Variants in CELF6 observed in about 807,000 individuals in gnomAD.
The protein encoded by CELF6 is Bruno -like 6, RNA binding protein.
Under a neutral mutation model 53.1 loss-of-function variants are expected in CELF6, and 32 were observed. The observed-to-expected ratio is 0.60, with a 90% CI of 0.46 to 0.81. The LOEUF (loss-of-function observed/expected upper bound fraction) is 0.81, where lower values mean the gene tolerates loss of function less well. Ranked by LOEUF, CELF6 falls within the 30% of genes least tolerant of loss-of-function variation. The probability of loss-of-function intolerance (pLI) is 0.00; values close to 1 mark genes in which losing one functional copy is unlikely to be tolerated. For missense variants in CELF6, 539 were observed against 669.5 expected, an observed-to-expected ratio of 0.81 and a Z score of 2.15; for synonymous variants, 291 against 288.8, an observed-to-expected ratio of 1.01 and a Z score of -0.08.
chr15:72,293,357 T>C (rs933233488), intron 3 of CELF6, among the ~76,000 whole-genome samples: 6 of 151,992 alleles, frequency 3.9e-5, no homozygotes, highest in African/African-American at 1.5e-4. Context: ...CTGAACATTC[T>C]GATGGCTGAT....
At chr15:72,311,433 C>G (rs189198396) in intron 2 of CELF6, among the ~76,000 whole-genome samples, 500 of 147,666 alleles carry the variant, frequency 3.4e-3, no homozygotes, top group Non-Finnish European at 5.8e-3. Flanking sequence ...GACAGAGTCT[C>G]GCTCTGTCAC....
chr15:72,312,224 G>T (rs1413444332), intron 2 of CELF6, among the ~76,000 whole-genome samples: 1 of 152,212 alleles, frequency 6.6e-6, no homozygotes, highest in African/African-American at 2.4e-5. Context: ...GACCAACCAA[G>T]GTTTGAAGGA....
chr15:72,299,390 C>A (rs1411712507), intron 3 of CELF6, among the ~76,000 whole-genome samples: 1 of 141,528 alleles, frequency 7.1e-6, no homozygotes, highest in Admixed American at 7.1e-5. Context: ...AATGGAATCT[C>A]GCTCTGTTGT....
At chr15:72,304,838 G>A in intron 2 of CELF6, 44 bp from the exon 3 acceptor site, 1 of 1,600,434 alleles carries the variant, frequency 6.2e-7, no homozygotes, top group South Asian at 1.1e-5. Context: ...GTGACTGCCT[G>A]GTCCTGGAGC....
Position 72,289,512 on chromosome 15 carries a change from G to T in CELF6, c.748-5C>A. On this transcript the variant is annotated splice_polypyrimidine_tract_variant and splice_region_variant and intron_variant, in intron 6 of 12. Coordinates refer to ENST00000287202, the MANE Select transcript of CELF6 (RefSeq NM_052840.5). This position sits in a 1 kb window ranked among gnomAD's most constrained non-coding sequence, Gnocchi z 7.6. ...GGCCGCCTGGTGCTGCAGGATCTTT[G>T]AGAGGAAAGATGGGCGAGAGTGGAG... The T allele has an allele frequency of 4.0e-6, 6 of 1,512,320 alleles. No individual in the cohort carries two copies. Among genetic ancestry groups the T allele is most frequent in the Non-Finnish European group, 5.3e-6 (6 of 1,134,988 alleles). 93.7% of individuals were successfully genotyped at this position (1,512,320 alleles called of 1,614,324 possible). A position where few individuals can be genotyped will look rare whatever the true frequency, so the allele number is the denominator to read the frequency against.
Position 72,319,439 on chromosome 15 carries a change from G to A in CELF6, c.262+174C>T, listed in dbSNP as rs2088399856. ...TAGGGGACCACAGTGATAATCAGAG[G>A]GAGGATGTCAGAGAGAAAATTCTGT... On this transcript the variant is annotated intron_variant, in intron 1 of 12. Coordinates refer to ENST00000287202, the MANE Select transcript of CELF6 (RefSeq NM_052840.5). This position sits in a 1 kb window ranked among gnomAD's most constrained non-coding sequence, Gnocchi z 5.0. Among the ~76,000 whole-genome samples, 1 of 152,082 alleles carries A rather than the reference G, an allele frequency of 6.6e-6. No homozygotes were observed. The highest frequency in any genetic ancestry group is 2.1e-4 in the South Asian group (1 of 4,822).
At chr15:72,313,380 T>G (rs1221178376) in intron 2 of CELF6, among the ~76,000 whole-genome samples, 2 of 152,228 alleles carry the variant, frequency 1.3e-5, no homozygotes, top group African/African-American at 4.8e-5. Flanking sequence ...GTGGATCACT[T>G]GAGGCCAGAA....
chr15:72,316,040 T>C (rs2088359925), intron 1 of CELF6, 113 bp from the exon 2 acceptor site: 1 of 674,512 alleles, frequency 1.5e-6, no homozygotes, highest in South Asian at 1.9e-5. Flanking sequence ...GCAAGGACTC[T>C]GCTTTCTGAG....
Position 72,289,395 on chromosome 15 carries a change from G to T in CELF6, c.860C>A (p.Ala287Glu). Residue 287 changes from alanine to glutamate, a missense_variant, in exon 7 of 13, where the codon GCG (alanine) becomes GAG (glutamate). Ala to Glu is a moderately radical substitution (Grantham distance 107, BLOSUM62 -1). Around this residue, in one of 3 missense-constraint regions of CELF6, gnomAD observed 358 missense variants for 412.8 expected, o/e 0.87. Transcript: ENST00000287202. The surrounding 1 kb of genome is among the most constrained non-coding windows in gnomAD (Gnocchi z 7.6). Reference sequence around the variant, plus strand: ...CGTACCTGCCGCGGGCAACAGAGGCGCAGCTACCAGGCTAAAGGCCGCCAC... The same window carrying T: ...CGTACCTGCCGCGGGCAACAGAGGCTCAGCTACCAGGCTAAAGGCCGCCAC... ...QHVAAFSLVA[A>E]PLLPAAAANS... The T allele has an allele frequency of 6.4e-7, 1 of 1,555,202 alleles. No homozygotes were observed. Among genetic ancestry groups the T allele is most frequent in the Non-Finnish European group, 8.6e-7 (1 of 1,158,956 alleles).
In CELF6 at chr15:72,288,093, C is replaced by A. The variant is rs983045561; in HGVS notation, c.1318+215G>T. ...CCTCAAGTGATTCACCTGCCCTGGCCTCCCAAAGTGCTAGGATTACAGGCG... is the reference window on the plus strand; with the variant it reads ...CCTCAAGTGATTCACCTGCCCTGGCATCCCAAAGTGCTAGGATTACAGGCG... On this transcript the variant is annotated intron_variant, in intron 11 of 12. Coordinates refer to ENST00000287202, the MANE Select transcript of CELF6 (RefSeq NM_052840.5). This position sits in a 1 kb window ranked among gnomAD's most constrained non-coding sequence, Gnocchi z 4.6. 2.6e-5 allele frequency among the ~76,000 whole-genome samples: 4 copies of A among 152,208 alleles called. No individual in the cohort carries two copies. The highest frequency in any genetic ancestry group is 1.3e-4 in the Admixed American group (2 of 15,284).
At chr15:72,309,281 C>A (rs1411901196) in intron 2 of CELF6, among the ~76,000 whole-genome samples, 1 of 152,084 alleles carries the variant, frequency 6.6e-6, no homozygotes, top group East Asian at 1.9e-4. Flanking sequence ...TAAGCTGTCA[C>A]TATGTGGAGA....
In CELF6 at chr15:72,290,141, T is replaced by C; in HGVS notation, c.509A>G (p.Asp170Gly). 1 of 1,613,724 alleles carries C rather than the reference T, an allele frequency of 6.2e-7. No individual in the cohort carries two copies. ...IEECTVLRSP[D>G]GTSKGCAFVK... ...GCTCAGGTCACCTTTACTGGTGCCGTCAGGACTCCGCAGGACCGTGCACTC... is the reference window on the plus strand; with the variant it reads ...GCTCAGGTCACCTTTACTGGTGCCGCCAGGACTCCGCAGGACCGTGCACTC... Residue 170 changes from aspartate to glycine, a missense_variant, in exon 4 of 13, where the codon GAC (aspartate) becomes GGC (glycine). Transcript: ENST00000287202.
chr15:72,307,306 C>A (rs569854703), intron 2 of CELF6, among the ~76,000 whole-genome samples: 1 of 152,234 alleles, frequency 6.6e-6, no homozygotes, highest in Admixed American at 6.5e-5. Context: ...TACATGTTCC[C>A]CCCTGGACCT....
At chr15:72,306,878 G>A (rs2088237289) in intron 2 of CELF6, among the ~76,000 whole-genome samples, 1 of 152,142 alleles carries the variant, frequency 6.6e-6, no homozygotes, top group African/African-American at 2.4e-5. Flanking sequence ...CAGAGACACA[G>A]GGAGAGATGA....
chr15:72,310,546 C>T (rs1220660368), intron 2 of CELF6, among the ~76,000 whole-genome samples: 1 of 138,356 alleles, frequency 7.2e-6, no homozygotes, highest in Non-Finnish European at 1.5e-5. Flanking sequence ...CCAGAGTAAT[C>T]TTTTTTTTTT....
intron 3 of CELF6, among the ~76,000 whole-genome samples, chr15:72,300,319 C>G (rs1031419576): frequency 2.9e-4 from 44 of 150,648 alleles, no homozygotes; most frequent in Non-Finnish European, 1.6e-4. Flanking sequence ...TATGATGGTG[C>G]CACTGCATTC....
chr15:72,297,185 T>C lies in CELF6; in HGVS notation c.395-6930A>G, dbSNP rs543356029. The stretch of plus-strand genomic sequence containing the variant: ...TAGCAATTTTGAAGTGCATATTGCA[T>C]TATTATTAACTACAGTCTCCATGCT... On this transcript the variant is annotated intron_variant, in intron 3 of 12. Coordinates refer to ENST00000287202, the MANE Select transcript of CELF6 (RefSeq NM_052840.5). 3.9e-5 allele frequency among the ~76,000 whole-genome samples: 6 copies of C among 152,316 alleles called. No individual in the cohort carries two copies. The East Asian group carries it at 9.6e-4, about 24-fold the overall frequency.
intron 3 of CELF6, among the ~76,000 whole-genome samples, chr15:72,301,459 C>G (rs2088154366): frequency 1.3e-5 from 2 of 152,126 alleles, no homozygotes; most frequent in Non-Finnish European, 2.9e-5. Flanking sequence ...GCCTTGATAT[C>G]CCTTAGATTG....
chr15:72,288,820 T>A lies in CELF6; in HGVS notation c.1093+48A>T. ...ATCCCCCACAACTCTCCCTATTTCT[T>A]TCTAGGGCCCTTCAACCTCCCCCAG... On this transcript the variant is annotated intron_variant, in intron 9 of 12. Transcript: ENST00000287202. The surrounding 1 kb of genome is among the most constrained non-coding windows in gnomAD (Gnocchi z 4.6). 1 of 1,510,252 alleles carries A rather than the reference T, an allele frequency of 6.6e-7. No individual in the cohort carries two copies. Among genetic ancestry groups the A allele is most frequent in the Non-Finnish European group, 9.0e-7 (1 of 1,109,904 alleles). 93.6% of individuals were successfully genotyped at this position (1,510,252 alleles called of 1,614,324 possible).
Sources: gnomAD v4.1 joint callset for allele counts (sites outside exome capture counted in the v4.1 genomes callset) on GRCh38, gnomAD v4.1.1 for gene constraint, gnomAD v4.1.1 regional missense constraint, Gnocchi (gnomAD v3.1) non-coding constraint, MANE v1.5 for transcripts, NCBI Gene and HGNC (gene_info 2026-07-23, HGNC 2026-07-21) for gene names.